LTBR: variants seen among roughly 807,000 people sequenced by gnomAD.
The protein encoded by LTBR is tumor necrosis factor receptor superfamily member 3.
In LTBR, 15 loss-of-function variants were observed where a neutral mutation model predicts 45.4. That is an observed-to-expected ratio of 0.33 (90% CI 0.22 to 0.51). The LOEUF (loss-of-function observed/expected upper bound fraction) is 0.51. LTBR is among the 20% of genes least tolerant of loss of function. The probability of loss-of-function intolerance (pLI) is 0.97; values close to 1 mark genes in which losing one functional copy is unlikely to be tolerated. For synonymous variants in LTBR, 228 were observed against 231.0 expected (o/e 0.99, Z 0.12); for missense variants, 450 against 565.5 (o/e 0.80, Z 2.07).
At chr12:6,383,934 G>T (rs28999107), upstream of LTBR, 359,537 of 871,140 alleles carry the variant, frequency 0.41, 79,980 homozygotes, top group Non-Finnish European at 0.45. Context: ...CGGGCCCGCC[G>T]CCCTTCCCTC....
upstream of LTBR, among the ~76,000 whole-genome samples, chr12:6,382,090 G>GT (rs5796229): frequency 0.77 from 116,409 of 152,102 alleles, 45,609 homozygotes; most frequent in African/African-American, 0.94. Flanking sequence ...TGTACCTTAC[G>GT]GTTTCATTGT....
chr12:6,388,520 G>C lies in LTBR; in HGVS notation c.775+15G>C. 1 of 1,603,820 alleles carries C rather than the reference G, an allele frequency of 6.2e-7. No homozygotes were observed. Among genetic ancestry groups the C allele is most frequent in the Non-Finnish European group, 8.5e-7 (1 of 1,170,710 alleles). On this transcript the variant is annotated intron_variant, in intron 7 of 9. Coordinates refer to ENST00000228918, the MANE Select transcript of LTBR (RefSeq NM_002342.3). This position sits in a 1 kb window ranked among gnomAD's most constrained non-coding sequence, Gnocchi z 4.3. ...CAGGAAACTGGGTAGGAAAGGGTTG[G>C]ATGCAGTGGATGGTTGGCAATGGGA...
intron 6 of LTBR, chr12:6,387,325 A>G (rs1335657626): frequency 6.6e-6 from 1 of 152,266 alleles, no homozygotes; most frequent in Non-Finnish European, 1.5e-5. Context: ...AAAGTGAAGT[A>G]ATTTTAATAT....
Position 6,388,747 on chromosome 12 carries a change from G to T in LTBR, c.776-53G>T, listed in dbSNP as rs1267271685. 10 of 1,612,258 alleles carry T rather than the reference G, an allele frequency of 6.2e-6. No individual in the cohort carries two copies. Among genetic ancestry groups the T allele is most frequent in the African/African-American group, 2.7e-5 (2 of 74,962 alleles). Reference sequence around the variant, plus strand: ...TGTGCTGGGATGTGGAGGCTGAAAGGCTAGGTCTGAGGCCTGCCGGGGAGC... The same window carrying T: ...TGTGCTGGGATGTGGAGGCTGAAAGTCTAGGTCTGAGGCCTGCCGGGGAGC... On this transcript the variant is annotated intron_variant, in intron 7 of 9. Transcript: ENST00000228918. This position sits in a 1 kb window ranked among gnomAD's most constrained non-coding sequence, Gnocchi z 4.3.
Position 6,391,234 on chromosome 12 carries a change from G to A in LTBR, c.*297G>A. ...ATGATACCAACTGCTGCCCACTACG[G>A]CACGCCGCACCGGAGCACGGCACCG... On this transcript the variant is annotated 3_prime_UTR_variant, in exon 10 of 10. Coordinates refer to ENST00000228918, the MANE Select transcript of LTBR (RefSeq NM_002342.3). 1 of 295,198 alleles carries A rather than the reference G, an allele frequency of 3.4e-6. No individual in the cohort carries two copies. The highest frequency in any genetic ancestry group is 6.3e-6 in the Non-Finnish European group (1 of 159,824). 18.3% of individuals were successfully genotyped at this position (295,198 alleles called of 1,614,324 possible).
chr12:6,382,246 G>A (rs1266926521), upstream of LTBR, among the ~76,000 whole-genome samples: 2 of 152,132 alleles, frequency 1.3e-5, no homozygotes, highest in Non-Finnish European at 2.9e-5. Flanking sequence ...ATGATGTCTG[G>A]GATTTACTTC....
rs34689662 is a variant in LTBR, at chr12:6,386,746, G to GT, written c.667+313dup. ...TGGGCTTACCAACATTACACAATCCGTTTTTTTTTTTCACACAATCCATTA... is the reference window on the plus strand; with the variant it reads ...TGGGCTTACCAACATTACACAATCCGTTTTTTTTTTTTCACACAATCCATTA... On this transcript the variant is annotated intron_variant, in intron 6 of 9. Coordinates refer to ENST00000228918, the MANE Select transcript of LTBR (RefSeq NM_002342.3). The surrounding 1 kb of genome is among the most constrained non-coding windows in gnomAD (Gnocchi z 4.1). The GT allele has an allele frequency of 0.15, 34,175 of 234,908 alleles. 1,758 individuals are homozygous for GT. Among genetic ancestry groups the GT allele is most frequent in the Admixed American group, 0.28 (5,054 of 17,924 alleles). 14.6% of individuals were successfully genotyped at this position (234,908 alleles called of 1,614,324 possible).
chr12:6,382,809 G>C (rs1056334105), upstream of LTBR, among the ~76,000 whole-genome samples: 1 of 152,202 alleles, frequency 6.6e-6, no homozygotes, highest in Non-Finnish European at 1.5e-5. Context: ...CTTCAGGGAG[G>C]GGGATAGTGC....
chr12:6,390,623 G>A (rs1159862437), intron 9 of LTBR, 37 bp from the exon 10 acceptor site: 2 of 1,496,378 alleles, frequency 1.3e-6, no homozygotes, highest in East Asian at 4.6e-5. Context: ...TGAACTGGGG[G>A]CCTTCCTTCC....
upstream of LTBR, among the ~76,000 whole-genome samples, chr12:6,380,222 G>T (rs1357553250): frequency 6.6e-6 from 1 of 152,038 alleles, no homozygotes; most frequent in African/African-American, 2.4e-5. Context: ...CACCCCCGTT[G>T]AAAAGACTGG....
chr12:6,379,646 G>A (rs778316319), upstream of LTBR, among the ~76,000 whole-genome samples: 3 of 152,174 alleles, frequency 2.0e-5, no homozygotes, highest in Non-Finnish European at 4.4e-5. Flanking sequence ...ACTACTAGAA[G>A]TTGGCCGGGC....
chr12:6,376,740 G>A (rs896301439), intron 1 of LTBR, among the ~76,000 whole-genome samples: 4 of 152,116 alleles, frequency 2.6e-5, no homozygotes, highest in Non-Finnish European at 5.9e-5. Context: ...CACAACCCAG[G>A]CCCTGCACGC....
At chr12:6,375,981 G>T (rs915112849) in intron 1 of LTBR, 25 of 1,013,164 alleles carry the variant, frequency 2.5e-5, no homozygotes, top group Middle Eastern at 4.7e-4. Flanking sequence ...GGGCAGTGGT[G>T]GGGGCAAATA....
Position 6,384,364 on chromosome 12 carries a change from C to A in LTBR, c.6C>A (p.Leu2=). 1 of 1,519,954 alleles carries A rather than the reference C, an allele frequency of 6.6e-7. No individual in the cohort carries two copies. The highest frequency in any genetic ancestry group is 8.8e-7 in the Non-Finnish European group (1 of 1,138,402). 94.2% of individuals were successfully genotyped at this position (1,519,954 alleles called of 1,614,324 possible). Residue 2 remains leucine (L), a synonymous_variant, in exon 1 of 10, where the codon CTC becomes CTA. Transcript: ENST00000228918. ...CGCCTGGCCGAGTGGCCGCCATGCTCCTGCCTTGGGCCACCTCTGCCCCCG... is the reference window on the plus strand; with the variant it reads ...CGCCTGGCCGAGTGGCCGCCATGCTACTGCCTTGGGCCACCTCTGCCCCCG... M[L]LPWATSAPGL...
upstream of LTBR, among the ~76,000 whole-genome samples, chr12:6,382,321 G>A (rs568519584): frequency 2.0e-5 from 3 of 152,214 alleles, no homozygotes; most frequent in African/African-American, 4.8e-5. Context: ...CAGAATAAAT[G>A]AAACTGACAG....
chr12:6,388,948 T>C lies in LTBR; in HGVS notation c.801+123T>C. 2 of 1,243,908 alleles carry C rather than the reference T, an allele frequency of 1.6e-6. No individual in the cohort carries two copies. The highest frequency in any genetic ancestry group is 2.3e-6 in the Non-Finnish European group (2 of 858,482). The allele number at this position is 1,243,908 out of a possible 1,614,324, so 77.1% of individuals were successfully genotyped here. A position where few individuals can be genotyped will look rare whatever the true frequency, so the allele number is the denominator to read the frequency against. On this transcript the variant is annotated intron_variant, in intron 8 of 9. Transcript: ENST00000228918. The surrounding 1 kb of genome is among the most constrained non-coding windows in gnomAD (Gnocchi z 4.3). ...TCATTCATTCATTCAACTGATGATTTACTGAACATGCCACGTACCAGGCAC... is the reference window on the plus strand; with the variant it reads ...TCATTCATTCATTCAACTGATGATTCACTGAACATGCCACGTACCAGGCAC...
Position 6,384,687 on chromosome 12 carries a change from G to A in LTBR, c.193+3G>A, listed in dbSNP as rs1949018636. ...CTGCTGCTCCCGCTGCCCGCCAGGT[G>A]AGAGGCAATGGCAGGACGAACCTGG... On this transcript the variant is annotated splice_donor_region_variant and intron_variant, in intron 2 of 9. Transcript: ENST00000228918. The A allele has an allele frequency of 1.2e-6, 2 of 1,613,830 alleles. No individual in the cohort carries two copies. Among genetic ancestry groups the A allele is most frequent in the South Asian group, 1.1e-5 (1 of 91,060 alleles).
Position 6,390,742 on chromosome 12 carries a change from A to G in LTBR, c.1113A>G (p.Gly371=). The change falls in exon 10 of 10, where the codon GGA becomes GGG. Residue 371 remains glycine, a synonymous_variant. Transcript: ENST00000228918. ...TCTACAATGGACCAGTACTGGGGGGACCACCGGGTCCTGGAGACCTCCCAG... is the reference window on the plus strand; with the variant it reads ...TCTACAATGGACCAGTACTGGGGGGGCCACCGGGTCCTGGAGACCTCCCAG... ...IYIYNGPVLG[G]PPGPGDLPAT... 6.4e-7 allele frequency: 1 copy of G among 1,553,620 alleles called. No individual in the cohort carries two copies. The highest frequency in any genetic ancestry group is 1.3e-5 in the South Asian group (1 of 79,462).
At chr12:6,384,766 G>A (rs2136927672) in intron 2 of LTBR, 82 bp downstream of exon 2, 2 of 1,334,418 alleles carry the variant, frequency 1.5e-6, no homozygotes, top group Admixed American at 3.6e-5. Flanking sequence ...CAGAGGGAAG[G>A]TGGGCACTGT....
Sources: allele counts gnomAD v4.1 joint callset (sites outside exome capture counted in the v4.1 genomes callset), GRCh38; gene constraint gnomAD v4.1.1; non-coding constraint Gnocchi (gnomAD v3.1); transcripts MANE v1.5; gene names NCBI Gene and HGNC (gene_info 2026-07-23, HGNC 2026-07-21).